The following HYAL4 variants were observed in gnomAD, a reference collection of about 807,000 sequenced individuals.
The protein encoded by HYAL4 is hyaluronidase 4.
In HYAL4, 37 loss-of-function variants were observed where a neutral mutation model predicts 35.2. The observed-to-expected ratio is 1.05, with a 90% CI of 0.81 to 1.38. The LOEUF is 1.38. Among genes scored for constraint, HYAL4 ranks in the 40% most tolerant of loss-of-function variants. HYAL4 has a pLI of 0.00. For synonymous variants in HYAL4, 198 were observed against 203.2 expected, an observed-to-expected ratio of 0.97 and a Z score of 0.22; for missense variants, 572 against 572.4, an observed-to-expected ratio of 1.00 and a Z score of 0.01.
chr7:123,769,913 A>T, the HYAL4 span, among the ~76,000 whole-genome samples: 1 of 151,858 alleles, frequency 6.6e-6, no homozygotes, highest in Non-Finnish European at 1.5e-5. Context: ...TTCACAGACC[A>T]GTGAAATTTC....
At chr7:123,823,729 TTATATA>T in the HYAL4 span, among the ~76,000 whole-genome samples, 46 of 146,106 alleles carry the variant, frequency 3.1e-4, no homozygotes, top group African/African-American at 7.7e-4. Flanking sequence ...CATATATATT[TTATATA>T]TATATATATA....
At chr7:123,814,003 A>C in the HYAL4 span, 63 of 152,188 alleles carry the variant, frequency 4.1e-4, no homozygotes, top group African/African-American at 1.5e-3. Context: ...AGATATTAAT[A>C]AGCCTCAAAG....
At chr7:123,855,353 C>A (rs1806412292) in intron 2 of HYAL4, among the ~76,000 whole-genome samples, 1 of 151,568 alleles carries the variant, frequency 6.6e-6, no homozygotes, top group African/African-American at 2.4e-5. Flanking sequence ...TTTTTCCTTT[C>A]CATACGTTTT....
the HYAL4 span, among the ~76,000 whole-genome samples, chr7:123,802,327 A>C: frequency 1.3e-5 from 2 of 152,222 alleles, no homozygotes; most frequent in African/African-American, 2.4e-5. Flanking sequence ...AATAATCTTC[A>C]GATAGAATGC....
intron 1 of HYAL4, among the ~76,000 whole-genome samples, chr7:123,838,494 T>A (rs1455752866): frequency 3.9e-5 from 6 of 152,050 alleles, no homozygotes; most frequent in African/African-American, 1.4e-4. Context: ...TTTAAATGTG[T>A]TTTGTATAGT....
the HYAL4 span, among the ~76,000 whole-genome samples, chr7:123,779,293 AT>A: frequency 6.6e-6 from 1 of 152,158 alleles, no homozygotes. Context: ...GTTAAGAACT[AT>A]TGTCCAAGAC....
At chr7:123,875,401 C>T (rs895386620) in intron 4 of HYAL4, among the ~76,000 whole-genome samples, 2 of 151,930 alleles carry the variant, frequency 1.3e-5, no homozygotes, top group South Asian at 2.1e-4. Context: ...CACGGTGGCT[C>T]ATGCCTGTAA....
Position 123,868,829 on chromosome 7 carries a change from T to G in HYAL4, c.556T>G (p.Leu186Val). 1 of 1,614,188 alleles carries G rather than the reference T, an allele frequency of 6.2e-7. No homozygotes were observed. Among genetic ancestry groups the G allele is most frequent in the Non-Finnish European group, 8.5e-7 (1 of 1,180,026 alleles). The change falls in exon 3 of 5, where the codon TTA becomes GTA. Residue 186 changes from leucine to valine, a missense_variant. Coordinates refer to ENST00000223026, the MANE Select transcript of HYAL4 (RefSeq NM_012269.3). ...TGTATCAGCTACCGATATTGAATAT[T>G]TAGCCAAAGTGACCTTTGAAGAAAG... ...KNVSATDIEY[L>V]AKVTFEESAK... is the part of the protein sequence containing the mutation.
At chr7:123,789,335 A>C in the HYAL4 span, among the ~76,000 whole-genome samples, 11 of 152,298 alleles carry the variant, frequency 7.2e-5, no homozygotes, top group African/African-American at 2.2e-4. Flanking sequence ...TCAGCTTAGA[A>C]GGGTCATTGA....
At chr7:123,872,896 A>G (rs1806919447) in intron 3 of HYAL4, among the ~76,000 whole-genome samples, 2 of 152,226 alleles carry the variant, frequency 1.3e-5, no homozygotes, top group South Asian at 4.1e-4. Context: ...TGTGGCTTTC[A>G]CCAGAAACAT....
At chr7:123,860,330 C>T (rs988634206) in intron 2 of HYAL4, among the ~76,000 whole-genome samples, 1 of 152,050 alleles carries the variant, frequency 6.6e-6, no homozygotes, top group Non-Finnish European at 1.5e-5. Flanking sequence ...AATATAGCTC[C>T]AGAGATATTC....
chr7:123,786,895 A>G, the HYAL4 span, among the ~76,000 whole-genome samples: 50,884 of 151,634 alleles, frequency 0.34, 8,853 homozygotes, highest in Middle Eastern at 0.44. Flanking sequence ...ATAACCTGAG[A>G]TAAGGAGTTC....
upstream of HYAL4, among the ~76,000 whole-genome samples, chr7:123,827,871 T>C (rs550568854): frequency 1.8e-3 from 270 of 152,312 alleles, no homozygotes; most frequent in Non-Finnish European, 3.2e-3. Flanking sequence ...AAATAAATAA[T>C]TAAATGCTAA....
chr7:123,866,866 C>T (rs1335736175), intron 2 of HYAL4, among the ~76,000 whole-genome samples: 1 of 148,926 alleles, frequency 6.7e-6, no homozygotes, highest in Non-Finnish European at 1.5e-5. Context: ...TCTTGGTTCA[C>T]TGCAACCGCC....
upstream of HYAL4, among the ~76,000 whole-genome samples, chr7:123,840,530 A>C (rs1361550360): frequency 6.6e-6 from 1 of 151,982 alleles, no homozygotes; most frequent in African/African-American, 2.4e-5. Flanking sequence ...GAAGAAAGTC[A>C]TTGGTAGCTT....
chr7:123,837,918 T>C (rs987208646), intron 1 of HYAL4, among the ~76,000 whole-genome samples: 1 of 152,134 alleles, frequency 6.6e-6, no homozygotes, highest in African/African-American at 2.4e-5. Flanking sequence ...CAGTCTATCG[T>C]TGTTGGACAT....
intron 1 of HYAL4, among the ~76,000 whole-genome samples, chr7:123,846,014 C>G (rs1227618420): frequency 2.0e-5 from 3 of 152,188 alleles, no homozygotes; most frequent in African/African-American, 7.2e-5. Flanking sequence ...ATCTGCAGGT[C>G]TCTCAGCCAT....
At chr7:123,789,205 C>T in the HYAL4 span, among the ~76,000 whole-genome samples, 2 of 152,186 alleles carry the variant, frequency 1.3e-5, no homozygotes, top group Non-Finnish European at 2.9e-5. Context: ...GGAAACAACA[C>T]AAACACACAA....
the HYAL4 span, among the ~76,000 whole-genome samples, chr7:123,771,804 GT>G: frequency 0.028 from 3,859 of 136,660 alleles, 150 homozygotes; most frequent in African/African-American, 0.088. Context: ...TTGGTTTGAG[GT>G]TTTTTTTTTT....
Sources: allele counts gnomAD v4.1 joint callset (sites outside exome capture counted in the v4.1 genomes callset), GRCh38; gene constraint gnomAD v4.1.1; transcripts MANE v1.5; gene names NCBI Gene and HGNC (gene_info 2026-07-23, HGNC 2026-07-21).